SCD5: variants seen among roughly 807,000 people sequenced by gnomAD.
SCD5 encodes the protein acyl-CoA-desaturase 4.
SCD5 carries 20 observed loss-of-function variants against 30.4 expected under a neutral mutation model. The ratio of observed to expected loss-of-function variants is 0.66; its 90% CI spans 0.46 to 0.96. The LOEUF (loss-of-function observed/expected upper bound fraction) is 0.96, where lower values mean the gene tolerates loss of function less well. Ranked by LOEUF, SCD5 falls within the 40% of genes least tolerant of loss-of-function variation. The pLI is 0.00. For synonymous variants in SCD5, 173 were observed against 176.4 expected, an observed-to-expected ratio of 0.98 and a Z score of 0.16; for missense variants, 381 against 443.3, an observed-to-expected ratio of 0.86 and a Z score of 1.26.
At chr4:82,773,921 C>G (rs1369071810) in intron 1 of SCD5, among the ~76,000 whole-genome samples, 1 of 151,964 alleles carries the variant, frequency 6.6e-6, no homozygotes, top group Admixed American at 6.6e-5. Flanking sequence ...GAAACCTCGT[C>G]TTACTAAAAA....
chr4:82,667,788 G>T (rs933454481), intron 3 of SCD5, among the ~76,000 whole-genome samples: 5 of 152,078 alleles, frequency 3.3e-5, no homozygotes, highest in African/African-American at 1.2e-4. Flanking sequence ...TTGTTTAACA[G>T]TAGCTGTCAT....
intron 3 of SCD5, among the ~76,000 whole-genome samples, chr4:82,651,519 TG>T (rs1359625466): frequency 1.3e-5 from 2 of 152,204 alleles, no homozygotes; most frequent in Non-Finnish European, 2.9e-5. Flanking sequence ...CAGTGTACAC[TG>T]CTTGGGTGAT....
At chr4:82,716,282 G>C (rs1026466619) in intron 1 of SCD5, among the ~76,000 whole-genome samples, 21 of 151,830 alleles carry the variant, frequency 1.4e-4, no homozygotes, top group Non-Finnish European at 4.4e-5. Flanking sequence ...AAGGGAGGGA[G>C]CTCACAGGGA....
At chr4:82,689,354 C>T (rs765352233) in intron 2 of SCD5, among the ~76,000 whole-genome samples, 23 of 151,158 alleles carry the variant, frequency 1.5e-4, no homozygotes, top group Non-Finnish European at 3.1e-4. Flanking sequence ...CTGGGCAACA[C>T]AGCAAGACAC....
intron 1 of SCD5, among the ~76,000 whole-genome samples, chr4:82,713,815 C>G (rs755580716): frequency 2.0e-5 from 3 of 152,208 alleles, no homozygotes; most frequent in Non-Finnish European, 4.4e-5. Context: ...TCCCTCTCTC[C>G]TAGACATTGA....
chr4:82,741,307 T>C (rs1720868632), intron 1 of SCD5, among the ~76,000 whole-genome samples: 1 of 152,184 alleles, frequency 6.6e-6, no homozygotes, highest in South Asian at 2.1e-4. Flanking sequence ...ATGAAAGTGA[T>C]GCTGTGTGAC....
intron 3 of SCD5, among the ~76,000 whole-genome samples, chr4:82,654,516 A>T (rs1553914456): frequency 5.3e-5 from 8 of 151,748 alleles, no homozygotes; most frequent in Non-Finnish European, 1.0e-4. Flanking sequence ...TAAATAAAAC[A>T]TTTTTTTTTG....
At chr4:82,729,870 T>C (rs1406099310) in intron 1 of SCD5, among the ~76,000 whole-genome samples, 1 of 152,202 alleles carries the variant, frequency 6.6e-6, no homozygotes, top group Non-Finnish European at 1.5e-5. Flanking sequence ...GAGGAGTCTA[T>C]ACAACCAACC....
chr4:82,646,028 AG>A (rs950090790), intron 3 of SCD5, among the ~76,000 whole-genome samples: 1 of 152,080 alleles, frequency 6.6e-6, no homozygotes, highest in Non-Finnish European at 1.5e-5. Flanking sequence ...TAGAGCATGA[AG>A]GGGGGGAAAT....
At chr4:82,739,527 C>T (rs1003282714) in intron 1 of SCD5, among the ~76,000 whole-genome samples, 3 of 152,256 alleles carry the variant, frequency 2.0e-5, no homozygotes, top group African/African-American at 7.2e-5. Flanking sequence ...GCTGGTAGAG[C>T]CACACTCCGC....
chr4:82,796,269 C>CAAA (rs34612984), intron 1 of SCD5, among the ~76,000 whole-genome samples: 12,400 of 105,132 alleles, frequency 0.12, 621 homozygotes, highest in East Asian at 0.17. Context: ...GACTCTGTCT[C>CAAA]AAAAAAAAAA....
intron 1 of SCD5, among the ~76,000 whole-genome samples, chr4:82,777,118 G>A (rs189681955): frequency 6.6e-6 from 1 of 152,326 alleles, no homozygotes; most frequent in Admixed American, 6.5e-5. Flanking sequence ...CCAGACAGTG[G>A]CCCTCTCTCT....
At chr4:82,696,593 G>T (rs1191940744) in intron 2 of SCD5, among the ~76,000 whole-genome samples, 1 of 152,132 alleles carries the variant, frequency 6.6e-6, no homozygotes. Flanking sequence ...GAGGAAAGAG[G>T]AATAACACAG....
chr4:82,629,893 T>C lies in SCD5; in HGVS notation c.*1434A>G, dbSNP rs201794424. ...ACTTTATATTTTGCTACAAAATTAA[T>C]GAAGGCTGCATGCAGGTGAAACATT... On this transcript the variant is annotated 3_prime_UTR_variant, in exon 5 of 5. Coordinates refer to ENST00000319540, the MANE Select transcript of SCD5 (RefSeq NM_001037582.3). 2 of 152,172 alleles carry C rather than the reference T, an allele frequency of 1.3e-5. No individual in the cohort carries two copies. Among genetic ancestry groups the C allele is most frequent in the East Asian group, 3.8e-4 (2 of 5,200 alleles). 9.4% of individuals were successfully genotyped at this position (152,172 alleles called of 1,614,324 possible).
At chr4:82,757,776 T>C (rs759939009) in intron 1 of SCD5, among the ~76,000 whole-genome samples, 3 of 152,234 alleles carry the variant, frequency 2.0e-5, no homozygotes, top group Non-Finnish European at 4.4e-5. Context: ...AAATAACATA[T>C]GGTCCTTAGC....
At chr4:82,653,711 G>GATAGATAGATAGATAGAT (rs1553914419) in intron 3 of SCD5, among the ~76,000 whole-genome samples, 197 of 147,508 alleles carry the variant, frequency 1.3e-3, no homozygotes, top group Middle Eastern at 0.011. Context: ...GATAGATATA[G>GATAGATAGATAGATAGAT]ATAGATAGAT....
chr4:82,757,501 C>T (rs1721258991), intron 1 of SCD5, among the ~76,000 whole-genome samples: 1 of 152,196 alleles, frequency 6.6e-6, no homozygotes, highest in Non-Finnish European at 1.5e-5. Flanking sequence ...TCGCATTTTA[C>T]AGCTGAGGAA....
intron 3 of SCD5, among the ~76,000 whole-genome samples, chr4:82,646,251 G>T (rs1476862715): frequency 6.6e-6 from 1 of 152,194 alleles, no homozygotes; most frequent in East Asian, 1.9e-4. Flanking sequence ...CCTTGCAGGG[G>T]ACAAGGAAAA....
chr4:82,758,055 T>C lies in SCD5; in HGVS notation c.232+40251A>G, dbSNP rs191410471. On this transcript the variant is annotated intron_variant, in intron 1 of 4. Coordinates refer to ENST00000319540, the MANE Select transcript of SCD5 (RefSeq NM_001037582.3). Reference sequence around the variant, plus strand: ...ATTTCCAAGAGACTGGGTTAGTGAGTGCATCTCTGTGAGGAATAAGTAGAA... The same window carrying C: ...ATTTCCAAGAGACTGGGTTAGTGAGCGCATCTCTGTGAGGAATAAGTAGAA... 3.7e-4 allele frequency among the ~76,000 whole-genome samples: 56 copies of C among 152,152 alleles called. 1 individual carries two copies. The East Asian group carries it at 0.01, about 28-fold the overall frequency.
Sources: allele counts gnomAD v4.1 joint callset (sites outside exome capture counted in the v4.1 genomes callset), GRCh38; gene constraint gnomAD v4.1.1; transcripts MANE v1.5; gene names NCBI Gene and HGNC (gene_info 2026-07-23, HGNC 2026-07-21).